RGS12: variants seen among roughly 807,000 people sequenced by gnomAD.
RGS12 encodes the protein regulator of G-protein signaling 12.
In RGS12, 66 loss-of-function variants were observed where a neutral mutation model predicts 120.1. The observed-to-expected ratio is 0.55, with a 90% confidence interval of 0.45 to 0.67. The LOEUF (loss-of-function observed/expected upper bound fraction) is 0.67. RGS12 is among the 30% of genes least tolerant of loss of function. The probability of loss-of-function intolerance (pLI) is 0.00; values close to 1 mark genes in which losing one functional copy is unlikely to be tolerated. For synonymous variants in RGS12, 827 were observed against 804.7 expected (o/e 1.03, Z -0.47); for missense variants, 1,859 against 1,957.7 (o/e 0.95, Z 0.95).
At chr4:3,351,877 G>C (rs1714389348) in intron 3 of RGS12, among the ~76,000 whole-genome samples, 1 of 152,022 alleles carries the variant, frequency 6.6e-6, no homozygotes, top group Non-Finnish European at 1.5e-5. Context: ...TTCCTGTCAG[G>C]GAGTTTAGAC....
intron 3 of RGS12, among the ~76,000 whole-genome samples, chr4:3,371,763 C>T (rs1245045482): frequency 6.6e-6 from 1 of 152,196 alleles, no homozygotes; most frequent in Non-Finnish European, 1.5e-5. Context: ...ATTGCTTCTC[C>T]TTCTAAGCTT....
At chr4:3,321,716 C>A (rs1725206269) in intron 2 of RGS12, among the ~76,000 whole-genome samples, 1 of 152,238 alleles carries the variant, frequency 6.6e-6, no homozygotes, top group African/African-American at 2.4e-5. Context: ...AGCTCCTCCC[C>A]CCAGTGGACT....
intron 15 of RGS12, 99 bp downstream of exon 15, chr4:3,428,268 C>T (rs989468968): frequency 9.2e-7 from 1 of 1,089,650 alleles, no homozygotes; most frequent in Non-Finnish European, 1.4e-6. Context: ...GCCTGCTTAT[C>T]ACTGTGTGTC....
chr4:3,384,452 C>G (rs1040298159), intron 3 of RGS12, among the ~76,000 whole-genome samples: 3 of 152,220 alleles, frequency 2.0e-5, no homozygotes, highest in Non-Finnish European at 4.4e-5. Context: ...CTGCGCCCAG[C>G]CTTCCTGTGA....
upstream of RGS12, among the ~76,000 whole-genome samples, chr4:3,292,211 C>T (rs59898919): frequency 0.23 from 34,445 of 152,098 alleles, 4,754 homozygotes; most frequent in East Asian, 0.44. Flanking sequence ...ACGAAGAGGG[C>T]GAGGAAGGAA....
At chr4:3,333,854 A>T (rs1712155665) in intron 2 of RGS12, among the ~76,000 whole-genome samples, 1 of 152,198 alleles carries the variant, frequency 6.6e-6, no homozygotes, top group Non-Finnish European at 1.5e-5. Context: ...TTGTGTTTTA[A>T]TCTGTAGCTC....
At chr4:3,355,854 G>C (rs1578803961) in intron 3 of RGS12, among the ~76,000 whole-genome samples, 1 of 145,776 alleles carries the variant, frequency 6.9e-6, no homozygotes, top group South Asian at 2.2e-4. Context: ...AGTATCTGTA[G>C]ATCAGTTATT....
At chr4:3,438,353 A>G (rs1042122328) in intron 17 of RGS12, among the ~76,000 whole-genome samples, 2 of 149,192 alleles carry the variant, frequency 1.3e-5, no homozygotes, top group African/African-American at 4.9e-5. Flanking sequence ...CGGCAACGTC[A>G]CCCCCACCGC....
chr4:3,364,644 C>T (rs1237973500), intron 3 of RGS12, among the ~76,000 whole-genome samples: 1 of 152,090 alleles, frequency 6.6e-6, no homozygotes, highest in Non-Finnish European at 1.5e-5. Flanking sequence ...AGCCCAGGGC[C>T]TGGGGCAGCT....
In RGS12 at chr4:3,369,519, C is replaced by G. The variant is rs540670682; in HGVS notation, c.1999-16897C>G. ...CCCCAGGTCTAATGGCGAAGCTTCC[C>G]TCAACCTAACGTTTCAGGGTTAGGA... is the stretch of plus-strand genomic sequence containing the variant. On this transcript the variant is annotated intron_variant, in intron 3 of 17. Coordinates refer to ENST00000336727, the MANE Select transcript of RGS12 (RefSeq NM_001394154.1). Among the ~76,000 whole-genome samples, 6 of 152,268 alleles carry G rather than the reference C, an allele frequency of 3.9e-5. No homozygotes were observed. In the East Asian group the frequency reaches 1.2e-3, roughly 29 times the overall value.
At position 3,419,663 on chromosome 4, in the gene RGS12, AT is replaced by A. The variant is rs763596302; in HGVS notation, c.2762-977del. ...AAGACACTCATCTCTACAAAAAAAA[AT>A]TAAAAATTAGCCAAGTGTGGTGGCG... On this transcript the variant is annotated intron_variant, in intron 9 of 17. Transcript: ENST00000336727. Among the ~76,000 whole-genome samples the A allele has an allele frequency of 2.6e-5, 4 of 152,176 alleles. No homozygotes were observed. In the South Asian group the frequency reaches 6.2e-4, roughly 24 times the overall value.
intron 3 of RGS12, among the ~76,000 whole-genome samples, chr4:3,382,289 G>A (rs922474849): frequency 1.3e-5 from 2 of 152,152 alleles, no homozygotes; most frequent in Non-Finnish European, 2.9e-5. Flanking sequence ...GAAAGGAACC[G>A]CAAGGTGCCC....
intron 17 of RGS12, among the ~76,000 whole-genome samples, chr4:3,434,580 G>T (rs938925263): frequency 3.9e-5 from 6 of 152,302 alleles, no homozygotes; most frequent in African/African-American, 1.4e-4. Flanking sequence ...CTCCAGCACT[G>T]CTGTGTCCCG....
intron 4 of RGS12, among the ~76,000 whole-genome samples, chr4:3,409,058 A>G (rs566526374): frequency 6.6e-6 from 1 of 152,292 alleles, no homozygotes; most frequent in African/African-American, 2.4e-5. Context: ...AGCAACTCTC[A>G]CTTGAGTGGG....
upstream of RGS12, among the ~76,000 whole-genome samples, chr4:3,292,241 G>A (rs1723062050): frequency 1.3e-5 from 2 of 152,186 alleles, no homozygotes; most frequent in African/African-American, 4.8e-5. Context: ...AAAGGGTGAA[G>A]GCGGCGGCTG....
At chr4:3,410,724 T>C (rs1390264310) in intron 4 of RGS12, among the ~76,000 whole-genome samples, 2 of 152,248 alleles carry the variant, frequency 1.3e-5, no homozygotes, top group Non-Finnish European at 2.9e-5. Flanking sequence ...GGAGGATGGC[T>C]ACAAACAGCC....
rs977636472 is a variant in RGS12 at position 3,439,819 on chromosome 4, G to A, written c.*135G>A. The A allele has an allele frequency of 8.6e-6, 7 of 816,402 alleles. No individual in the cohort carries two copies. The highest frequency in any genetic ancestry group is 1.3e-5 in the Non-Finnish European group (7 of 541,666). 50.6% of individuals were successfully genotyped at this position (816,402 alleles called of 1,614,324 possible). On this transcript the variant is annotated 3_prime_UTR_variant, in exon 18 of 18. Transcript: ENST00000336727. ...AGCCAGGAGGGCAGGGGGTGACCTC[G>A]CTGGAGGCACTGGCCCCGGACATTC...
In RGS12 at chr4:3,356,570, C is replaced by T. The variant is rs1438869722; in HGVS notation, c.1998+13517C>T. ...CCAACCCCTGGCAGCCACCATTCTA[C>T]TTTCTATCTCTATGATTTGGACTAT... On this transcript the variant is annotated intron_variant, in intron 3 of 17. Coordinates refer to ENST00000336727, the MANE Select transcript of RGS12 (RefSeq NM_001394154.1). Among the ~76,000 whole-genome samples the T allele has an allele frequency of 2.1e-5, 3 of 145,586 alleles. No individual in the cohort carries two copies. In the East Asian group the frequency reaches 6.7e-4, roughly 32 times the overall value.
chr4:3,430,741 C>T lies in RGS12; in HGVS notation c.3900C>T (p.Cys1300=). 6.2e-7 allele frequency: 1 copy of T among 1,604,222 alleles called. No individual in the cohort carries two copies. The highest frequency in any genetic ancestry group is 1.3e-5 in the African/African-American group (1 of 74,866). ...PGQKSPSGPF[C]TPQSPVSLAQ... is the part of the protein sequence containing the mutation. ...AGAAGTCTCCCAGCGGGCCCTTCTG[C>T]ACTCCCCAGTCCCCCGTCTCCCTCG... Residue 1300 remains cysteine (C), a synonymous_variant, in exon 17 of 18, where the codon TGC becomes TGT. Coordinates refer to ENST00000336727, the MANE Select transcript of RGS12 (RefSeq NM_001394154.1).
Sources: allele counts gnomAD v4.1 joint callset (sites outside exome capture counted in the v4.1 genomes callset), GRCh38; gene constraint gnomAD v4.1.1; transcripts MANE v1.5; gene names NCBI Gene and HGNC (gene_info 2026-07-23, HGNC 2026-07-21).